BRWD3: variants seen among roughly 807,000 people sequenced by gnomAD.
The protein encoded by BRWD3 is bromodomain and WD repeat-containing protein 3.
A neutral mutation model predicts 149.7 loss-of-function variants in BRWD3; 10 were observed. The ratio of observed to expected loss-of-function variants is 0.07; its 90% CI spans 0.04 to 0.11. The LOEUF is 0.11. BRWD3 is among the 10% of genes least tolerant of loss of function. The pLI, the probability that BRWD3 is intolerant of heterozygous loss-of-function variation, is 1.00. For missense variants in BRWD3, 940 were observed against 1,373.2 expected, an observed-to-expected ratio of 0.68 and a Z score of 4.99; for synonymous variants, 504 against 456.7, an observed-to-expected ratio of 1.10 and a Z score of -1.32.
intron 8 of BRWD3, among the ~76,000 whole-genome samples, chrX:80,741,433 G>A (rs1354600584): frequency 8.9e-6 from 1 of 111,934 alleles, no homozygotes; most frequent in Non-Finnish European, 1.9e-5. Flanking sequence ...CCAGTAATGG[G>A]ATGGCTGGGT....
At chrX:80,733,620 A>C in intron 11 of BRWD3, 124 bp from the exon 12 acceptor site, 1 of 525,478 alleles carries the variant, frequency 1.9e-6, no homozygotes, top group Non-Finnish European at 3.2e-6. Context: ...AATTTCAATG[A>C]AGCCCAAAAC....
intron 14 of BRWD3, among the ~76,000 whole-genome samples, chrX:80,726,291 T>C (rs906439852): frequency 9.4e-6 from 1 of 105,893 alleles, no homozygotes; most frequent in African/African-American, 3.4e-5. Flanking sequence ...GTATAACATA[T>C]AACACGTTTA....
chrX:80,744,091 G>T lies in BRWD3; in HGVS notation c.754C>A (p.Arg252=), dbSNP rs777031555. 3 of 1,209,705 alleles carry T rather than the reference G, an allele frequency of 2.5e-6. No homozygotes were observed. In the South Asian group the frequency reaches 5.3e-5, roughly 21 times the overall value. The change falls in exon 8 of 41, where the codon CGA becomes AGA. Residue 252 remains arginine (R), a synonymous_variant. Transcript: ENST00000373275. ...AGGACTGCAACGGGTGCACAAGTTCGAAGACACCATACTCTTACTACCTTA... is the reference window on the plus strand; with the variant it reads ...AGGACTGCAACGGGTGCACAAGTTCTAAGACACCATACTCTTACTACCTTA... ...CDKVVRVWCL[R]TCAPVAVLQG... is the part of the protein sequence containing the mutation.
rs2073587135 is a variant in BRWD3 at position 80,745,952 on chromosome X, C to A, written c.431-223G>T. On this transcript the variant is annotated intron_variant, in intron 6 of 40. Transcript: ENST00000373275. The stretch of plus-strand genomic sequence containing the variant: ...CATTAAATCCCAAGGGACTGATATT[C>A]TGCTTGGCTTACTGTGGTTTCTCAA... Among the ~76,000 whole-genome samples, 3 of 110,750 alleles carry A rather than the reference C, an allele frequency of 2.7e-5. No individual in the cohort carries two copies. The South Asian group carries it at 1.1e-3, about 42-fold the overall frequency.
intron 28 of BRWD3, 91 bp downstream of exon 28, chrX:80,692,849 A>G: frequency 1.4e-6 from 1 of 706,000 alleles, no homozygotes; most frequent in Non-Finnish European, 2.3e-6. Context: ...GATAAGTCAG[A>G]TAAAAGGGCA....
intron 4 of BRWD3, among the ~76,000 whole-genome samples, chrX:80,808,233 T>C (rs2074369696): frequency 9.1e-6 from 1 of 109,313 alleles, no homozygotes; most frequent in Non-Finnish European, 1.9e-5. Context: ...CCCCTTGGTT[T>C]CTCTCCCTTT....
Position 80,685,457 on chromosome X carries a change from C to T in BRWD3, c.4080+5G>A. The T allele has an allele frequency of 8.3e-7, 1 of 1,199,861 alleles. No homozygotes were observed. The highest frequency in any genetic ancestry group is 1.1e-6 in the Non-Finnish European group (1 of 885,468). On this transcript the variant is annotated splice_donor_5th_base_variant and intron_variant, in intron 36 of 40. Transcript: ENST00000373275. Reference sequence around the variant, plus strand: ...ATATGTCTTTTAAGAGACTACCAGGCCTACCTCAGAAAGAGATGAATCTTG... The same window carrying T: ...ATATGTCTTTTAAGAGACTACCAGGTCTACCTCAGAAAGAGATGAATCTTG...
At chrX:80,692,638 T>TA (rs1023485033) in intron 28 of BRWD3, among the ~76,000 whole-genome samples, 1 of 112,074 alleles carries the variant, frequency 8.9e-6, no homozygotes, top group African/African-American at 3.2e-5. Flanking sequence ...TATTTCCCAT[T>TA]AAAAAATAGT....
intron 4 of BRWD3, among the ~76,000 whole-genome samples, chrX:80,803,152 A>T (rs943264648): frequency 9.1e-6 from 1 of 109,811 alleles, no homozygotes; most frequent in Non-Finnish European, 1.9e-5. Context: ...GCATCTCTAA[A>T]TTATGACACA....
At chrX:80,717,445 G>A (rs1232836392) in intron 19 of BRWD3, 128 bp downstream of exon 19, 2 of 644,626 alleles carry the variant, frequency 3.1e-6, no homozygotes, top group East Asian at 6.6e-5. Flanking sequence ...GAATAATATG[G>A]AAAAACTAAT....
At chrX:80,808,970 T>A (rs1286306103) in intron 3 of BRWD3, 43 bp downstream of exon 3, 1 of 1,181,245 alleles carries the variant, frequency 8.5e-7, no homozygotes, top group East Asian at 3.0e-5. Context: ...CTTCCTCCAG[T>A]CTCACCTCAA....
rs182035315 is a variant in BRWD3, at chrX:80,752,445, C to T, written c.431-6716G>A. 7.2e-5 allele frequency among the ~76,000 whole-genome samples: 8 copies of T among 111,549 alleles called. No homozygotes were observed. The Admixed American group carries it at 7.6e-4, about 11-fold the overall frequency. ...TAATGGGTTTGCTGGATTGAATGGA[C>T]ATTCTATTTTTAGTTCTTTGAGAAA... On this transcript the variant is annotated intron_variant, in intron 6 of 40. Coordinates refer to ENST00000373275, the MANE Select transcript of BRWD3 (RefSeq NM_153252.5).
intron 38 of BRWD3, 81 bp downstream of exon 38, chrX:80,682,384 A>G: frequency 9.2e-7 from 1 of 1,089,118 alleles, no homozygotes. Flanking sequence ...ATCTCCCCAA[A>G]TTATTCATAA....
intron 10 of BRWD3, among the ~76,000 whole-genome samples, chrX:80,734,689 T>C (rs1000703619): frequency 4.6e-5 from 5 of 108,454 alleles, no homozygotes; most frequent in Non-Finnish European, 9.6e-5. Context: ...TTAGGTTCTG[T>C]ATATTTCACC....
intron 12 of BRWD3, among the ~76,000 whole-genome samples, chrX:80,731,528 A>C (rs2073329243): frequency 9.0e-6 from 1 of 111,647 alleles, no homozygotes; most frequent in East Asian, 2.8e-4. Flanking sequence ...AAATTGGACA[A>C]AAATGAACAA....
intron 6 of BRWD3, among the ~76,000 whole-genome samples, chrX:80,772,717 T>C (rs927598075): frequency 8.9e-6 from 1 of 111,816 alleles, no homozygotes; most frequent in Non-Finnish European, 1.9e-5. Context: ...AATTACCATA[T>C]GATCCCCAAT....
intron 6 of BRWD3, among the ~76,000 whole-genome samples, chrX:80,746,176 T>C (rs2073590415): frequency 9.1e-6 from 1 of 109,948 alleles, no homozygotes; most frequent in African/African-American, 3.3e-5. Context: ...TATGTATGAC[T>C]GCCCCTAAAA....
chrX:80,749,446 C>T lies in BRWD3; in HGVS notation c.431-3717G>A, dbSNP rs768873501. ...CTAACATCTCTATCATTACATATGA[C>T]GTTTTTTGTCACTATTCACTTTTTA... On this transcript the variant is annotated intron_variant, in intron 6 of 40. Coordinates refer to ENST00000373275, the MANE Select transcript of BRWD3 (RefSeq NM_153252.5). Among the ~76,000 whole-genome samples, 10 of 111,444 alleles carry T rather than the reference C, an allele frequency of 9.0e-5. 1 individual carries two copies. Among genetic ancestry groups the T allele is most frequent in the South Asian group, 3.8e-4 (1 of 2,662 alleles).
chrX:80,776,334 A>G (rs1292806381), intron 6 of BRWD3, among the ~76,000 whole-genome samples: 3 of 112,310 alleles, frequency 2.7e-5, no homozygotes, highest in Non-Finnish European at 3.8e-5. Flanking sequence ...TGTTTGTATT[A>G]CAACTATTTC....
Sources: gnomAD v4.1 joint callset for allele counts (sites outside exome capture counted in the v4.1 genomes callset) on GRCh38, gnomAD v4.1.1 for gene constraint, MANE v1.5 for transcripts, NCBI Gene and HGNC (gene_info 2026-07-23, HGNC 2026-07-21) for gene names.